Variants in TNN observed in about 807,000 individuals in gnomAD.
TNN encodes the protein tenascin N.
A neutral mutation model predicts 134.4 loss-of-function variants in TNN; 122 were observed. The observed-to-expected ratio is 0.91, with a 90% confidence interval of 0.78 to 1.06. TNN has a LOEUF of 1.06. Among genes scored for constraint, TNN ranks in the 50% least tolerant of loss-of-function variants. The pLI, the probability that TNN is intolerant of heterozygous loss-of-function variation, is 0.00. For missense variants in TNN, 1,739 were observed against 1,699.4 expected, an observed-to-expected ratio of 1.02 and a Z score of -0.41; for synonymous variants, 710 against 670.3, an observed-to-expected ratio of 1.06 and a Z score of -0.91.
intron 15 of TNN, among the ~76,000 whole-genome samples, chr1:175,130,220 C>T (rs1011619253): frequency 5.3e-5 from 8 of 152,188 alleles, no homozygotes; most frequent in Non-Finnish European, 1.0e-4. Flanking sequence ...AGTGCTCAAA[C>T]CTTATTCATT....
chr1:175,078,392 A>T (rs1248616693), intron 2 of TNN, among the ~76,000 whole-genome samples: 1 of 152,034 alleles, frequency 6.6e-6, no homozygotes, highest in Non-Finnish European at 1.5e-5. Flanking sequence ...TACAATTATA[A>T]TTGTAAAATA....
intron 6 of TNN, 36 bp downstream of exon 6, chr1:175,085,530 C>A: frequency 7.3e-7 from 1 of 1,370,438 alleles, no homozygotes; most frequent in African/African-American, 1.4e-5. Context: ...GGCATTTAAT[C>A]ATGTTTGCAT....
rs1674741216 is a variant in TNN, at chr1:175,102,190, TAAAG to T, written c.2119+3597_2119+3600del. On this transcript the variant is annotated intron_variant, in intron 9 of 18. Transcript: ENST00000239462. ...GTGTTTACAATCCCTGAGCTAGATA[TAAAG>T]ACTCTCCACGTCCCCACCAGACTCA... 2.7e-5 allele frequency among the ~76,000 whole-genome samples: 4 copies of T among 145,634 alleles called. No homozygotes were observed. The South Asian group carries it at 9.1e-4, about 33-fold the overall frequency.
rs376812431 is a variant in TNN at position 175,077,583 on chromosome 1, G to A, written c.165G>A (p.Leu55=). 11 of 1,614,088 alleles carry A rather than the reference G, an allele frequency of 6.8e-6. No individual in the cohort carries two copies. Among genetic ancestry groups the A allele is most frequent in the Non-Finnish European group, 8.5e-6 (10 of 1,180,046 alleles). ...TYKIDVPKSA[L]VQVDADPQPL... ...AGATCGATGTGCCCAAGTCTGCCTTGGTTCAGGTTGACGCTGACCCTCAGC... is the reference window on the plus strand; with the variant it reads ...AGATCGATGTGCCCAAGTCTGCCTTAGTTCAGGTTGACGCTGACCCTCAGC... The change falls in exon 2 of 19, where the codon TTG becomes TTA. Residue 55 remains leucine (L), a synonymous_variant. Coordinates refer to ENST00000239462, the MANE Select transcript of TNN (RefSeq NM_022093.2).
intron 9 of TNN, among the ~76,000 whole-genome samples, chr1:175,100,205 G>T (rs1185743603): frequency 3.3e-5 from 5 of 152,138 alleles, no homozygotes. Context: ...GCTATCTTGG[G>T]GTGGATAATT....
chr1:175,079,434 T>A lies in TNN; in HGVS notation c.511T>A (p.Cys171Ser). The change falls in exon 3 of 19, where the codon TGC becomes AGC. Residue 171 changes from cysteine to serine, a missense_variant. Cys to Ser is a moderately radical substitution (Grantham distance 112, BLOSUM62 -1). Transcript: ENST00000239462. ...GGGCCCCGCCTGCGAGCGGCTGGCC[T>A]GCCCCGGGGCGTGCAGCGGCCACGG... ...REGPACERLA[C>S]PGACSGHGRC... 1 of 1,582,444 alleles carries A rather than the reference T, an allele frequency of 6.3e-7. No homozygotes were observed. The highest frequency in any genetic ancestry group is 1.1e-5 in the South Asian group (1 of 88,344).
At position 175,128,498 on chromosome 1, in the gene TNN, A is replaced by G. The variant is rs989964879; in HGVS notation, c.3179-97A>G. 13 of 1,409,950 alleles carry G rather than the reference A, an allele frequency of 9.2e-6. No homozygotes were observed. The Admixed American group carries it at 2.4e-4, about 26-fold the overall frequency. The allele number at this position is 1,409,950 out of a possible 1,614,324, so 87.3% of individuals were successfully genotyped here. A position where few individuals can be genotyped will look rare whatever the true frequency, so the allele number is the denominator to read the frequency against. On this transcript the variant is annotated intron_variant, in intron 14 of 18. Coordinates refer to ENST00000239462, the MANE Select transcript of TNN (RefSeq NM_022093.2). The stretch of plus-strand genomic sequence containing the variant: ...AGCTGAAGTAGGAAGTTATGAAATA[A>G]TTTCCAAACAAAATAAATTGCCTTA...
chr1:175,143,776 T>C (rs1480521273), intron 17 of TNN, among the ~76,000 whole-genome samples: 1 of 152,134 alleles, frequency 6.6e-6, no homozygotes, highest in South Asian at 2.1e-4. Context: ...CCACGTGGTA[T>C]GAAGTAGACT....
At chr1:175,073,012 TG>T (rs1417215641) in intron 1 of TNN, among the ~76,000 whole-genome samples, 2 of 82,842 alleles carry the variant, frequency 2.4e-5, no homozygotes, top group African/African-American at 1.2e-4. Context: ...AGGCTGGGGG[TG>T]GGGGGTCGGA....
At chr1:175,103,181 G>T (rs950143857) in intron 9 of TNN, among the ~76,000 whole-genome samples, 1 of 146,514 alleles carries the variant, frequency 6.8e-6, no homozygotes, top group Admixed American at 6.8e-5. Context: ...GGCTGCCACA[G>T]GACCTAGAAA....
chr1:175,101,714 G>A lies in TNN; in HGVS notation c.2119+3119G>A, dbSNP rs949887334. 6.2e-4 allele frequency among the ~76,000 whole-genome samples: 92 copies of A among 148,780 alleles called. No individual in the cohort carries two copies. In the East Asian group the frequency reaches 0.019, roughly 30 times the overall value. ...CCCCACCAGAGCAGCTAGATACAGA[G>A]TGTCGATTGGTGCACTCACAAACCT... On this transcript the variant is annotated intron_variant, in intron 9 of 18. Coordinates refer to ENST00000239462, the MANE Select transcript of TNN (RefSeq NM_022093.2).
At position 175,077,500 on chromosome 1, in the gene TNN, C is replaced by G; in HGVS notation, c.82C>G (p.Leu28Val). Residue 28 changes from leucine (L) to valine (V), a missense_variant, in exon 2 of 19, where the codon CTG (leucine) becomes GTG (valine). Transcript: ENST00000239462. ...VLLVASAPATLEPPGCSNKEQ... is the reference protein window; with the variant it reads ...VLLVASAPATVEPPGCSNKEQ... ...CCTGGTGGCTTCGGCCCCAGCCACT[C>G]TGGAGCCTCCCGGCTGCAGCAACAA... 6.2e-7 allele frequency: 1 copy of G among 1,614,006 alleles called. No individual in the cohort carries two copies. The highest frequency in any genetic ancestry group is 2.2e-5 in the East Asian group (1 of 44,868).
At chr1:175,120,632 T>C (rs76066940) in intron 11 of TNN, among the ~76,000 whole-genome samples, 3,290 of 152,262 alleles carry the variant, frequency 0.022, 59 homozygotes, top group Middle Eastern at 0.068. Context: ...ACATTGCACA[T>C]ATCAGCCCTT....
chr1:175,147,770 A>T lies in TNN; in HGVS notation c.*699A>T, dbSNP rs1676110326. The T allele has an allele frequency of 6.6e-6, 1 of 152,146 alleles. No homozygotes were observed. Among genetic ancestry groups the T allele is most frequent in the Admixed American group, 6.5e-5 (1 of 15,278 alleles). 9.4% of individuals were successfully genotyped at this position (152,146 alleles called of 1,614,324 possible). ...TTGTGAATAAATTCTCACTCATTTC[A>T]ACTTTGAATAATTTGACTGTCTTGA... On this transcript the variant is annotated 3_prime_UTR_variant, in exon 19 of 19. Transcript: ENST00000239462.
chr1:175,098,440 C>A lies in TNN; in HGVS notation c.1964C>A (p.Thr655Asn). 6.2e-7 allele frequency: 1 copy of A among 1,614,198 alleles called. No individual in the cohort carries two copies. The highest frequency in any genetic ancestry group is 8.5e-7 in the Non-Finnish European group (1 of 1,180,036). ...AAIDKYVVRYTSAGGETREVP... is the reference protein window; with the variant it reads ...AAIDKYVVRYNSAGGETREVP... Reference sequence around the variant, plus strand: ...ATTGACAAGTACGTGGTGCGCTACACCTCTGCTGGTGGAGAGACCAGGGAG... The same window carrying A: ...ATTGACAAGTACGTGGTGCGCTACAACTCTGCTGGTGGAGAGACCAGGGAG... Residue 655 changes from threonine (T) to asparagine (N), a missense_variant, in exon 9 of 19, where the codon ACC (threonine) becomes AAC (asparagine). Coordinates refer to ENST00000239462, the MANE Select transcript of TNN (RefSeq NM_022093.2).
intron 17 of TNN, among the ~76,000 whole-genome samples, chr1:175,141,059 G>C (rs924555713): frequency 6.6e-6 from 1 of 152,128 alleles, no homozygotes; most frequent in African/African-American, 2.4e-5. Flanking sequence ...CTTAAGGCTT[G>C]CTCCCCACTC....
chr1:175,145,575 A>AAAAAAAAAAAAAAAAAT (rs1558378532), intron 18 of TNN, among the ~76,000 whole-genome samples: 2 of 149,072 alleles, frequency 1.3e-5, no homozygotes, highest in African/African-American at 2.5e-5. Context: ...AAAAAAAAAA[A>AAAAAAAAAAAAAAAAAT]GCTGTCTCAA....
At chr1:175,144,671 G>A in intron 18 of TNN, 121 bp downstream of exon 18, 1 of 1,093,854 alleles carries the variant, frequency 9.1e-7, no homozygotes. Context: ...CAAAGCAGTA[G>A]AGCTTCTCCT....
chr1:175,077,757 G>A lies in TNN; in HGVS notation c.339G>A (p.Lys113=), dbSNP rs1366002428. The part of the protein sequence containing the change: ...GSVQDLLARV[K]KLEEEMVEMK... ...TCCAGGACCTCCTGGCCCGGGTGAA[G>A]AAGCTGGAGGAAGAGATGGTGGAGA... The change falls in exon 2 of 19, where the codon AAG becomes AAA. Residue 113 remains lysine, a synonymous_variant. Coordinates refer to ENST00000239462, the MANE Select transcript of TNN (RefSeq NM_022093.2). 1 of 1,614,236 alleles carries A rather than the reference G, an allele frequency of 6.2e-7. No homozygotes were observed. Among genetic ancestry groups the A allele is most frequent in the Non-Finnish European group, 8.5e-7 (1 of 1,180,042 alleles).
Sources: gnomAD v4.1 joint callset for allele counts (sites outside exome capture counted in the v4.1 genomes callset) on GRCh38, gnomAD v4.1.1 for gene constraint, MANE v1.5 for transcripts, NCBI Gene and HGNC (gene_info 2026-07-23, HGNC 2026-07-21) for gene names.